GOLGA1: variants seen among roughly 807,000 people sequenced by gnomAD.
The protein encoded by GOLGA1 is golgin A1.
GOLGA1 carries 63 observed loss-of-function variants against 119.7 expected under a neutral mutation model. The observed-to-expected ratio is 0.53, with a 90% CI of 0.43 to 0.65. The LOEUF is 0.65. GOLGA1 is among the 30% of genes least tolerant of loss of function. The probability of loss-of-function intolerance (pLI) is 0.00; values close to 1 mark genes in which losing one functional copy is unlikely to be tolerated. For missense variants in GOLGA1, 798 were observed against 912.8 expected (o/e 0.87, Z 1.62); for synonymous variants, 318 against 333.4 (o/e 0.95, Z 0.50).
At chr9:124,945,867 T>C (rs1009936866), upstream of GOLGA1, 12 of 152,212 alleles carry the variant, frequency 7.9e-5, no homozygotes, top group African/African-American at 2.9e-4. Flanking sequence ...GAATCACTTT[T>C]TTTTTTAAGT....
chr9:124,878,793 G>GCT lies in GOLGA1; in HGVS notation c.*1735_*1736dup, dbSNP rs1258117698. On this transcript the variant is annotated 3_prime_UTR_variant, in exon 23 of 23. Coordinates refer to ENST00000373555, the MANE Select transcript of GOLGA1 (RefSeq NM_002077.4). ...GTGGAAATGTAGCTGCCTTTGGCTG[G>GCT]CTGTGAGCTACCCAGTCTTAGAGAT... 1 of 152,292 alleles carries GCT rather than the reference G, an allele frequency of 6.6e-6. No individual in the cohort carries two copies. Among genetic ancestry groups the GCT allele is most frequent in the Non-Finnish European group, 1.5e-5 (1 of 68,058 alleles). 9.4% of individuals were successfully genotyped at this position (152,292 alleles called of 1,614,324 possible).
chr9:124,939,767 G>C (rs1808182254), intron 2 of GOLGA1, among the ~76,000 whole-genome samples: 1 of 151,800 alleles, frequency 6.6e-6, no homozygotes, highest in Non-Finnish European at 1.5e-5. Flanking sequence ...TCTCCGTGTT[G>C]GTCAGGCTGG....
chr9:124,900,442 A>G lies in GOLGA1; in HGVS notation c.1161+10T>C. 7.5e-7 allele frequency: 1 copy of G among 1,336,328 alleles called. No homozygotes were observed. The highest frequency in any genetic ancestry group is 1.1e-6 in the Non-Finnish European group (1 of 926,266). 82.8% of individuals were successfully genotyped at this position (1,336,328 alleles called of 1,614,324 possible). A position where few individuals can be genotyped will look rare whatever the true frequency, so the allele number is the denominator to read the frequency against. On this transcript the variant is annotated intron_variant, in intron 13 of 22. Transcript: ENST00000373555. ...GGGCCTGGAATGCAGCAGCTCCAAT[A>G]AGCACTTACGAGCTCCTGTATCTGA...
At chr9:124,915,091 A>G (rs1051748044) in intron 10 of GOLGA1, among the ~76,000 whole-genome samples, 1 of 150,900 alleles carries the variant, frequency 6.6e-6, no homozygotes, top group Non-Finnish European at 1.5e-5. Flanking sequence ...CTCTTCACCT[A>G]CTCCCTCCCG....
intron 19 of GOLGA1, among the ~76,000 whole-genome samples, chr9:124,885,897 C>G (rs559109419): frequency 6.6e-6 from 1 of 152,228 alleles, no homozygotes; most frequent in South Asian, 2.1e-4. Flanking sequence ...AGTCTGATAC[C>G]ATCTTCCAGA....
intron 3 of GOLGA1, among the ~76,000 whole-genome samples, chr9:124,936,389 G>A (rs981388344): frequency 2.0e-5 from 3 of 152,018 alleles, no homozygotes; most frequent in African/African-American, 4.8e-5. Context: ...AATGTCTATC[G>A]CCAGGAGAAG....
intron 12 of GOLGA1, among the ~76,000 whole-genome samples, chr9:124,902,106 TTTA>T (rs917488825): frequency 2.0e-4 from 30 of 151,972 alleles, no homozygotes; most frequent in African/African-American, 4.8e-4. Context: ...CTTGGGGAGC[TTTA>T]TTATTATTAT....
intron 12 of GOLGA1, among the ~76,000 whole-genome samples, chr9:124,905,072 G>C (rs1224188138): frequency 1.7e-4 from 26 of 151,192 alleles, no homozygotes; most frequent in Non-Finnish European, 3.0e-5. Flanking sequence ...CTTGTGCCTG[G>C]GAGGCGGAGG....
chr9:124,911,518 G>A lies in GOLGA1; in HGVS notation c.969+383C>T, dbSNP rs186544658. Reference sequence around the variant, plus strand: ...TTGGGAAGGAGAGAATGCTGCCCAAGGTAATTCTTGCTTTTGCCAAGGGGC... The same window carrying A: ...TTGGGAAGGAGAGAATGCTGCCCAAAGTAATTCTTGCTTTTGCCAAGGGGC... On this transcript the variant is annotated intron_variant, in intron 11 of 22. Transcript: ENST00000373555. Among the ~76,000 whole-genome samples the A allele has an allele frequency of 2.5e-3, 380 of 152,358 alleles. 1 individual carries two copies. Among genetic ancestry groups the A allele is most frequent in the African/African-American group, 8.8e-3 (364 of 41,596 alleles).
At chr9:124,931,516 T>C (rs1830771327) in intron 3 of GOLGA1, 110 bp from the exon 4 acceptor site, 1 of 664,910 alleles carries the variant, frequency 1.5e-6, no homozygotes, top group African/African-American at 1.8e-5. Context: ...TAATTAATTG[T>C]AATCACTGAA....
chr9:124,910,248 A>G (rs1302863221), intron 11 of GOLGA1, among the ~76,000 whole-genome samples: 1 of 150,948 alleles, frequency 6.6e-6, no homozygotes, highest in Non-Finnish European at 1.5e-5. Flanking sequence ...TATTTTTAAT[A>G]GAGGCGGGGT....
At chr9:124,889,643 G>A in intron 16 of GOLGA1, 107 bp from the exon 17 acceptor site, 3 of 797,684 alleles carry the variant, frequency 3.8e-6, no homozygotes, top group Non-Finnish European at 4.5e-6. Flanking sequence ...ATCCCTCCCT[G>A]AAGTCCACGA....
chr9:124,893,785 G>A (rs1365928915), intron 15 of GOLGA1, among the ~76,000 whole-genome samples: 3 of 152,188 alleles, frequency 2.0e-5, no homozygotes, highest in Non-Finnish European at 4.4e-5. Flanking sequence ...TTCAGGATCA[G>A]CAGATACCAC....
rs923891708 is a variant in GOLGA1 at position 124,881,499 on chromosome 9, G to A, written c.2137-242C>T. Among the ~76,000 whole-genome samples the A allele has an allele frequency of 1.3e-5, 2 of 152,196 alleles. No homozygotes were observed. Among genetic ancestry groups the A allele is most frequent in the African/African-American group, 4.8e-5 (2 of 41,462 alleles). ...CTACCCTTTGGCAGGACCCAGGAGC[G>A]ATGGGTGGATTCCGTTCCCGGCTTC... is the stretch of plus-strand genomic sequence containing the variant. On this transcript the variant is annotated intron_variant, in intron 21 of 22. Transcript: ENST00000373555. The surrounding 1 kb of genome is among the most constrained non-coding windows in gnomAD (Gnocchi z 4.9).
At chr9:124,917,225 C>T (rs2131471270) in intron 10 of GOLGA1, among the ~76,000 whole-genome samples, 1 of 152,242 alleles carries the variant, frequency 6.6e-6, no homozygotes, top group African/African-American at 2.4e-5. Context: ...GTGAAGGGCA[C>T]AGAGGGAACC....
At chr9:124,931,866 A>T (rs1367687582) in intron 3 of GOLGA1, among the ~76,000 whole-genome samples, 1 of 152,138 alleles carries the variant, frequency 6.6e-6, no homozygotes, top group South Asian at 2.1e-4. Context: ...TCAATCTAAA[A>T]CTCTAACTTG....
intron 9 of GOLGA1, 41 bp downstream of exon 9, chr9:124,921,682 C>T: frequency 6.6e-7 from 1 of 1,524,252 alleles, no homozygotes; most frequent in Non-Finnish European, 9.0e-7. Context: ...CAGAACTACA[C>T]TAACACCTCT....
At chr9:124,900,297 C>A (rs1207045912) in intron 13 of GOLGA1, 155 bp downstream of exon 13, 2 of 519,346 alleles carry the variant, frequency 3.9e-6, no homozygotes, top group South Asian at 2.6e-5. Flanking sequence ...CCCTCCACCC[C>A]CTGCTGCTGG....
intron 15 of GOLGA1, among the ~76,000 whole-genome samples, chr9:124,897,692 A>G (rs1830011055): frequency 6.6e-6 from 1 of 152,106 alleles, no homozygotes; most frequent in Non-Finnish European, 1.5e-5. Context: ...CACTTACAGG[A>G]CTCAAATGTT....
Sources: gnomAD v4.1 joint callset for allele counts (sites outside exome capture counted in the v4.1 genomes callset) on GRCh38, gnomAD v4.1.1 for gene constraint, Gnocchi (gnomAD v3.1) non-coding constraint, MANE v1.5 for transcripts, NCBI Gene and HGNC (gene_info 2026-07-23, HGNC 2026-07-21) for gene names.